KIAA0232: variants seen among roughly 807,000 people sequenced by gnomAD.
The protein encoded by KIAA0232 is KIAA0232, also known as uncharacterized protein KIAA0232.
Under a neutral mutation model 122.0 loss-of-function variants are expected in KIAA0232, and 27 were observed. That is an observed-to-expected ratio of 0.22 (90% confidence interval 0.16 to 0.31). KIAA0232 has a LOEUF of 0.31. Ranked by LOEUF, KIAA0232 falls within the 10% of genes least tolerant of loss-of-function variation. The pLI is 1.00. For missense variants in KIAA0232, 1,551 were observed against 1,634.2 expected (o/e 0.95, Z 0.88); for synonymous variants, 613 against 587.6 (o/e 1.04, Z -0.63).
intron 1 of KIAA0232, among the ~76,000 whole-genome samples, chr4:6,791,411 G>A (rs1479869208): frequency 7.5e-6 from 1 of 134,216 alleles, no homozygotes; most frequent in African/African-American, 2.9e-5. Flanking sequence ...CTGTAGCCTT[G>A]GCCACCTCCC....
chr4:6,857,238 C>G lies in KIAA0232; in HGVS notation c.436+8C>G. 1 of 1,610,822 alleles carries G rather than the reference C, an allele frequency of 6.2e-7. No homozygotes were observed. On this transcript the variant is annotated splice_region_variant and intron_variant, in intron 5 of 9. Transcript: ENST00000307659. ...ACCTTCAGAGTAAGCAAGGTGAGGT[C>G]AAAAGCACTGTGCGCACACATGCCA...
At chr4:6,851,210 T>G (rs536425195) in intron 4 of KIAA0232, among the ~76,000 whole-genome samples, 1 of 152,310 alleles carries the variant, frequency 6.6e-6, no homozygotes, top group East Asian at 1.9e-4. Flanking sequence ...CTTCCTAGAT[T>G]AAAAATAACT....
rs775900927 is a variant in KIAA0232, at chr4:6,863,334, T to C, written c.2952T>C (p.Pro984=). Residue 984 remains proline (P), a synonymous_variant, in exon 7 of 10, where the codon CCT becomes CCC. Coordinates refer to ENST00000307659, the MANE Select transcript of KIAA0232 (RefSeq NM_014743.3). The part of the protein sequence containing the change: ...VFMTPGNSFA[P]GHRQLWKPFV... ...TGACCCCAGGAAACAGTTTTGCTCC[T>C]GGGCACAGGCAGTTATGGAAACCCT... 3.1e-6 allele frequency: 5 copies of C among 1,614,186 alleles called. No homozygotes were observed. Among genetic ancestry groups the C allele is most frequent in the Non-Finnish European group, 4.2e-6 (5 of 1,180,026 alleles).
intron 8 of KIAA0232, among the ~76,000 whole-genome samples, chr4:6,872,877 G>C (rs1721566861): frequency 1.3e-5 from 2 of 152,198 alleles, no homozygotes; most frequent in South Asian, 2.1e-4. Flanking sequence ...TGGAAGGCCA[G>C]CTTGGCCAGG....
In KIAA0232 at chr4:6,861,693, A is replaced by G. The variant is rs1419253494; in HGVS notation, c.1311A>G (p.Ala437=). ...ATACAAGTGATCTGACATCAGAGGC[A>G]GTGGAAGAATTGTCTGAATCAGTGC... ...RQDTSDLTSE[A]VEELSESVHG... is the part of the protein sequence containing the mutation. The change falls in exon 7 of 10, where the codon GCA becomes GCG. Residue 437 remains alanine (A), a synonymous_variant. Transcript: ENST00000307659. The G allele has an allele frequency of 6.2e-7, 1 of 1,614,052 alleles. No homozygotes were observed. The highest frequency in any genetic ancestry group is 1.3e-5 in the African/African-American group (1 of 74,936).
At chr4:6,843,784 A>G (rs1179732422) in intron 4 of KIAA0232, among the ~76,000 whole-genome samples, 1 of 152,092 alleles carries the variant, frequency 6.6e-6, no homozygotes, top group Non-Finnish European at 1.5e-5. Flanking sequence ...AAATAAAAAA[A>G]GAATTGTCTC....
chr4:6,846,023 G>T (rs1450369174), intron 4 of KIAA0232, among the ~76,000 whole-genome samples: 1 of 151,704 alleles, frequency 6.6e-6, no homozygotes, highest in Non-Finnish European at 1.5e-5. Flanking sequence ...TTGCTTGGCT[G>T]TCATAGGCAG....
At chr4:6,785,056 A>G (rs978640951) in intron 1 of KIAA0232, among the ~76,000 whole-genome samples, 6 of 150,936 alleles carry the variant, frequency 4.0e-5, no homozygotes, top group Non-Finnish European at 8.9e-5. Flanking sequence ...TCCTGCCTCA[A>G]CCTCCCGAGT....
At chr4:6,831,275 C>T (rs553464437) in intron 3 of KIAA0232, among the ~76,000 whole-genome samples, 8 of 151,966 alleles carry the variant, frequency 5.3e-5, no homozygotes, top group South Asian at 2.1e-4. Context: ...AGGCTGGTCT[C>T]GAAGTCTTGA....
chr4:6,797,793 C>G (rs1303452789), intron 1 of KIAA0232, among the ~76,000 whole-genome samples: 1 of 148,760 alleles, frequency 6.7e-6, no homozygotes, highest in Non-Finnish European at 1.5e-5. Flanking sequence ...AAAAAAAGGC[C>G]GGGCGCGGTG....
intron 4 of KIAA0232, among the ~76,000 whole-genome samples, chr4:6,856,116 A>G (rs1370042398): frequency 2.0e-5 from 3 of 151,910 alleles, no homozygotes; most frequent in Non-Finnish European, 4.4e-5. Flanking sequence ...TGCTACTCAA[A>G]CTGTGTAACC....
intron 4 of KIAA0232, among the ~76,000 whole-genome samples, chr4:6,845,148 C>G (rs1419116465): frequency 2.0e-5 from 3 of 152,188 alleles, no homozygotes; most frequent in Non-Finnish European, 4.4e-5. Context: ...CAACACCATT[C>G]ATCTAGAGAG....
intron 4 of KIAA0232, among the ~76,000 whole-genome samples, chr4:6,851,029 T>C (rs1307348226): frequency 6.6e-6 from 1 of 152,252 alleles, no homozygotes; most frequent in Non-Finnish European, 1.5e-5. Flanking sequence ...CTTGCATGTA[T>C]ACTTAGGCAT....
At chr4:6,806,839 G>A (rs943943604) in intron 2 of KIAA0232, among the ~76,000 whole-genome samples, 17 of 150,330 alleles carry the variant, frequency 1.1e-4, no homozygotes, top group African/African-American at 2.0e-4. Flanking sequence ...CATTTCCTCA[G>A]TAGAGGAAAG....
intron 2 of KIAA0232, among the ~76,000 whole-genome samples, chr4:6,818,210 G>A (rs1376108743): frequency 6.6e-6 from 1 of 151,880 alleles, no homozygotes; most frequent in East Asian, 1.9e-4. Flanking sequence ...AGACCAGCCT[G>A]GCCAAGATGG....
At chr4:6,823,006 C>G (rs995884560) in intron 2 of KIAA0232, among the ~76,000 whole-genome samples, 1 of 148,650 alleles carries the variant, frequency 6.7e-6, no homozygotes, top group African/African-American at 2.5e-5. Flanking sequence ...TCAATTCCCA[C>G]CTATGAGTGA....
At chr4:6,857,715 A>G (rs550755784) in intron 5 of KIAA0232, among the ~76,000 whole-genome samples, 1 of 152,282 alleles carries the variant, frequency 6.6e-6, no homozygotes, top group African/African-American at 2.4e-5. Context: ...TTTTTTGAAA[A>G]CACAGACTTG....
intron 4 of KIAA0232, among the ~76,000 whole-genome samples, chr4:6,845,999 G>A (rs776506355): frequency 4.4e-4 from 67 of 151,900 alleles, no homozygotes; most frequent in Admixed American, 9.2e-4. Context: ...ATTGCTTTGG[G>A]AAAATGCTTT....
chr4:6,813,539 T>C (rs1409274947), intron 2 of KIAA0232, among the ~76,000 whole-genome samples: 3 of 151,776 alleles, frequency 2.0e-5, no homozygotes, highest in Non-Finnish European at 2.9e-5. Context: ...ACTTTTTGTA[T>C]TTTTAGTAGA....
Sources: allele counts gnomAD v4.1 joint callset (sites outside exome capture counted in the v4.1 genomes callset), GRCh38; gene constraint gnomAD v4.1.1; transcripts MANE v1.5; gene names NCBI Gene and HGNC (gene_info 2026-07-23, HGNC 2026-07-21).